The following DMD variants were observed in gnomAD, a reference collection of about 807,000 sequenced individuals.
DMD encodes the protein dystrophin, also known as mutant dystrophin.
In DMD, 63 loss-of-function variants were observed where a neutral mutation model predicts 330.1. The ratio of observed to expected loss-of-function variants is 0.19; its 90% confidence interval spans 0.16 to 0.24. The LOEUF (loss-of-function observed/expected upper bound fraction) is 0.24. DMD is among the 10% of genes least tolerant of loss of function. The probability of loss-of-function intolerance (pLI) is 1.00; values close to 1 mark genes in which losing one functional copy is unlikely to be tolerated. For synonymous variants in DMD, 1,223 were observed against 959.8 expected (o/e 1.27, Z -5.07); for missense variants, 3,344 against 2,684.1 (o/e 1.25, Z -5.43).
intron 42 of DMD, among the ~76,000 whole-genome samples, chrX:32,308,079 A>G (rs2097547272): frequency 9.1e-6 from 1 of 109,989 alleles, no homozygotes; most frequent in South Asian, 3.8e-4. Context: ...CCACATATGT[A>G]TATATATATA....
At chrX:33,108,282 C>G (rs989219350) in intron 1 of DMD, among the ~76,000 whole-genome samples, 1 of 109,686 alleles carries the variant, frequency 9.1e-6, no homozygotes, top group East Asian at 2.9e-4. Flanking sequence ...TTTTTTGAGA[C>G]GAAGTATCCC....
chrX:31,348,632 C>T lies in DMD; in HGVS notation c.9087G>A (p.Val3029=). Residue 3029 remains valine, a splice_region_variant and synonymous_variant, in exon 61 of 79, where the codon GTG becomes GTA. Transcript: ENST00000357033. ...GCTGCCTGACTCGGTCCTCGACGGC[C>T]ACCTGGGAGGAAAAGGAGAGAAATG... ...DLNTRWKLLQ[V]AVEDRVRQLH... is the part of the protein sequence containing the mutation. 1 of 1,207,036 alleles carries T rather than the reference C, an allele frequency of 8.3e-7. No homozygotes were observed. Among genetic ancestry groups the T allele is most frequent in the Non-Finnish European group, 1.1e-6 (1 of 892,014 alleles).
chrX:32,731,097 G>A (rs936680887), intron 7 of DMD, among the ~76,000 whole-genome samples: 43 of 112,061 alleles, frequency 3.8e-4, no homozygotes, highest in Non-Finnish European at 4.7e-4. Context: ...TGCCTCACTC[G>A]GGAAGTGCAA....
intron 17 of DMD, among the ~76,000 whole-genome samples, chrX:32,531,954 A>C (rs2148885989): frequency 9.0e-6 from 1 of 111,465 alleles, no homozygotes; most frequent in African/African-American, 3.3e-5. Flanking sequence ...ATGGCAATAT[A>C]AAATAATTTA....
chrX:32,219,127 A>G (rs932507842), intron 43 of DMD, among the ~76,000 whole-genome samples: 1 of 112,188 alleles, frequency 8.9e-6, no homozygotes, highest in Non-Finnish European at 1.9e-5. Context: ...AGTTAGTGAA[A>G]AATAAGAATG....
chrX:32,200,472 TTA>T (rs933175059), intron 44 of DMD, among the ~76,000 whole-genome samples: 7 of 111,355 alleles, frequency 6.3e-5, no homozygotes, highest in Non-Finnish European at 1.1e-4. Flanking sequence ...ATGTAACGTG[TTA>T]TATATGTAAC....
intron 60 of DMD, among the ~76,000 whole-genome samples, chrX:31,411,889 A>G (rs1453312309): frequency 9.1e-6 from 1 of 110,385 alleles, no homozygotes; most frequent in Non-Finnish European, 1.9e-5. Context: ...CTGCCTCCAG[A>G]GATGATCTGG....
intron 1 of DMD, among the ~76,000 whole-genome samples, chrX:33,265,589 T>C (rs1184781480): frequency 9.0e-6 from 1 of 111,569 alleles, no homozygotes; most frequent in Non-Finnish European, 1.9e-5. Context: ...ACAAACTATA[T>C]TAAATTCCAA....
At chrX:31,753,264 C>T (rs973254954) in intron 51 of DMD, among the ~76,000 whole-genome samples, 7 of 112,009 alleles carry the variant, frequency 6.2e-5, no homozygotes, top group Admixed American at 4.8e-4. Flanking sequence ...ATATATGCTG[C>T]TTTCTATCAT....
chrX:31,315,312 A>G (rs1234684824), intron 62 of DMD, among the ~76,000 whole-genome samples: 1 of 112,424 alleles, frequency 8.9e-6, no homozygotes, highest in Non-Finnish European at 1.9e-5. Flanking sequence ...TAAGACTTCA[A>G]TCCAGTTTCA....
chrX:31,538,766 T>C (rs1365958434), intron 55 of DMD, among the ~76,000 whole-genome samples: 1 of 111,378 alleles, frequency 9.0e-6, no homozygotes, highest in Non-Finnish European at 1.9e-5. Flanking sequence ...AAATTAGACA[T>C]ACTAGAAGTC....
At chrX:32,587,256 TC>T (rs758644591) in intron 13 of DMD, among the ~76,000 whole-genome samples, 11 of 111,840 alleles carry the variant, frequency 9.8e-5, no homozygotes, top group Non-Finnish European at 2.1e-4. Context: ...ATTTTAACAT[TC>T]TCTTTGTAAC....
At chrX:32,014,937 T>C (rs1014738308) in intron 44 of DMD, among the ~76,000 whole-genome samples, 4 of 112,226 alleles carry the variant, frequency 3.6e-5, no homozygotes, top group African/African-American at 6.5e-5. Flanking sequence ...TACCAGAATA[T>C]CTGAGGCACA....
rs775128480 is a variant in DMD at position 32,357,478 on chromosome X, T to A, written c.5325+5310A>T. ...GGTTTTAACAATTCACCCAAGTGCA[T>A]ACAAAAGATTTACTGATCTAGACTG... On this transcript the variant is annotated intron_variant, in intron 37 of 78. Coordinates refer to ENST00000357033, the MANE Select transcript of DMD (RefSeq NM_004006.3). 3.2e-3 allele frequency among the ~76,000 whole-genome samples: 358 copies of A among 111,297 alleles called. 1 individual carries two copies. The highest frequency in any genetic ancestry group is 0.011 in the African/African-American group (333 of 30,602).
intron 11 of DMD, among the ~76,000 whole-genome samples, chrX:32,614,859 A>C (rs1301212211): frequency 9.0e-6 from 1 of 110,596 alleles, no homozygotes; most frequent in Non-Finnish European, 1.9e-5. Flanking sequence ...ATCCCTGTGA[A>C]TATGATCTGG....
At chrX:31,217,729 AAAGT>A (rs1384761939) in intron 64 of DMD, among the ~76,000 whole-genome samples, 1 of 112,254 alleles carries the variant, frequency 8.9e-6, no homozygotes, top group Non-Finnish European at 1.9e-5. Flanking sequence ...TCATATATTG[AAAGT>A]AAGTAATGTG....
chrX:32,970,439 A>AT (rs1569546501), intron 2 of DMD, among the ~76,000 whole-genome samples: 3 of 93,484 alleles, frequency 3.2e-5, no homozygotes, highest in Non-Finnish European at 6.1e-5. Context: ...ATAAATATAT[A>AT]TATCTATTGT....
At chrX:32,170,893 G>A (rs2096885266) in intron 44 of DMD, among the ~76,000 whole-genome samples, 1 of 110,981 alleles carries the variant, frequency 9.0e-6, no homozygotes, top group South Asian at 3.8e-4. Flanking sequence ...TAGACTAGAA[G>A]ATCTTTACTT....
At chrX:31,642,871 A>G (rs1240949157) in intron 54 of DMD, among the ~76,000 whole-genome samples, 1 of 112,180 alleles carries the variant, frequency 8.9e-6, no homozygotes, top group African/African-American at 3.2e-5. Flanking sequence ...GGGACAGCAC[A>G]TCTAGGAAAA....
Sources: gnomAD v4.1 joint callset for allele counts (sites outside exome capture counted in the v4.1 genomes callset) on GRCh38, gnomAD v4.1.1 for gene constraint, MANE v1.5 for transcripts, NCBI Gene and HGNC (gene_info 2026-07-23, HGNC 2026-07-21) for gene names.